Variants in RHOA observed in about 807,000 individuals in gnomAD.
RHOA encodes the protein transforming protein RhoA.
Under a neutral mutation model 17.5 loss-of-function variants are expected in RHOA, and 3 were observed. That is an observed-to-expected ratio of 0.17 (90% confidence interval 0.08 to 0.44). RHOA has a LOEUF of 0.44. RHOA is among the 20% of genes least tolerant of loss of function. The pLI is 0.99. For synonymous variants in RHOA, 98 were observed against 88.4 expected (o/e 1.11, Z -0.61); for missense variants, 56 against 242.3 (o/e 0.23, Z 5.10).
rs2047942046 is a variant in RHOA, at chr3:49,360,323, G to A, written c.468C>T (p.Tyr156=). ...CTTTGGTCTTTGCTGAACACTCCATGTACCCAAAAGCGCCAATCCTGTTTG... is the reference window on the plus strand; with the variant it reads ...CTTTGGTCTTTGCTGAACACTCCATATACCCAAAAGCGCCAATCCTGTTTG... ...DMANRIGAFG[Y]MECSAKTKDG... Residue 156 remains tyrosine, a synonymous_variant, in exon 5 of 5, where the codon TAC becomes TAT. Coordinates refer to ENST00000418115, the MANE Select transcript of RHOA (RefSeq NM_001664.4). 1 of 1,613,840 alleles carries A rather than the reference G, an allele frequency of 6.2e-7. No individual in the cohort carries two copies. Among genetic ancestry groups the A allele is most frequent in the Non-Finnish European group, 8.5e-7 (1 of 1,179,986 alleles).
chr3:49,360,531 G>C, intron 4 of RHOA, 149 bp from the exon 5 acceptor site: 1 of 746,952 alleles, frequency 1.3e-6, no homozygotes, highest in Admixed American at 3.1e-5. Context: ...GCAATGGCAT[G>C]ATCTCAGCTG....
chr3:49,390,326 G>A (rs527343218), intron 1 of RHOA, among the ~76,000 whole-genome samples: 1 of 151,464 alleles, frequency 6.6e-6, no homozygotes, highest in African/African-American at 2.4e-5. Context: ...GTAGAGACGG[G>A]GAACATCTTG....
intron 1 of RHOA, among the ~76,000 whole-genome samples, chr3:49,390,362 C>T (rs920470734): frequency 6.6e-6 from 1 of 151,932 alleles, no homozygotes; most frequent in African/African-American, 2.4e-5. Context: ...AACTCCTGAC[C>T]TTGTGATCCA....
intron 1 of RHOA, among the ~76,000 whole-genome samples, chr3:49,383,230 G>A (rs1015914823): frequency 1.3e-5 from 2 of 151,750 alleles, no homozygotes; most frequent in African/African-American, 4.8e-5. Flanking sequence ...TCAGGAGATC[G>A]AGACCATCCC....
chr3:49,397,885 A>G (rs1267893062), intron 1 of RHOA, among the ~76,000 whole-genome samples: 1 of 152,200 alleles, frequency 6.6e-6, no homozygotes, highest in Non-Finnish European at 1.5e-5. Context: ...ATTTGAGCCA[A>G]AGGACATGGT....
chr3:49,372,273 G>A (rs1049948250), intron 2 of RHOA, among the ~76,000 whole-genome samples: 1 of 152,122 alleles, frequency 6.6e-6, no homozygotes, highest in Non-Finnish European at 1.5e-5. Context: ...GCTTGGCTGA[G>A]GCTGAATTAA....
Position 49,362,633 on chromosome 3 carries a change from G to A in RHOA, c.278-7C>T, listed in dbSNP as rs2047990383. On this transcript the variant is annotated splice_region_variant and splice_polypyrimidine_tract_variant and intron_variant, in intron 3 of 4. Transcript: ENST00000418115. ...CACTTTTCTGGGATGTTTTCTGAAA[G>A]AAAAATGTAGAGAATTTGGGGATAC... 1.9e-6 allele frequency: 3 copies of A among 1,605,358 alleles called. No individual in the cohort carries two copies. The highest frequency in any genetic ancestry group is 8.5e-7 in the Non-Finnish European group (1 of 1,175,886).
chr3:49,404,459 A>ACACACACACACACACACAC (rs1466095718), intron 1 of RHOA, among the ~76,000 whole-genome samples: 1 of 3,034 alleles, frequency 3.3e-4, no homozygotes, highest in Non-Finnish European at 1.6e-3. Flanking sequence ...CACACACACA[A>ACACACACACACACACACAC]AATTAGCCGG....
At chr3:49,372,509 C>T (rs1216077872) in intron 2 of RHOA, among the ~76,000 whole-genome samples, 4 of 151,858 alleles carry the variant, frequency 2.6e-5, no homozygotes, top group African/African-American at 9.7e-5. Flanking sequence ...GGGAGGCAGG[C>T]AGATCACGAG....
At chr3:49,404,428 AGT>A (rs2048778790) in intron 1 of RHOA, among the ~76,000 whole-genome samples, 1 of 142,960 alleles carries the variant, frequency 7.0e-6, no homozygotes. Context: ...CCCCGTCTCT[AGT>A]AAAACACACA....
chr3:49,408,289 T>C (rs2048873478), intron 1 of RHOA, among the ~76,000 whole-genome samples: 1 of 145,480 alleles, frequency 6.9e-6, no homozygotes, highest in African/African-American at 2.5e-5. Flanking sequence ...TATACACAAG[T>C]ATATATACAT....
At chr3:49,392,870 C>G (rs1041139486) in intron 1 of RHOA, among the ~76,000 whole-genome samples, 1 of 152,140 alleles carries the variant, frequency 6.6e-6, no homozygotes, top group Non-Finnish European at 1.5e-5. Context: ...AGAAAATGGT[C>G]ACCACAAACA....
intron 1 of RHOA, among the ~76,000 whole-genome samples, chr3:49,399,834 G>A (rs905653676): frequency 1.3e-5 from 2 of 152,050 alleles, no homozygotes; most frequent in East Asian, 1.9e-4. Flanking sequence ...TAAATGTAGG[G>A]ACTTTAAAAG....
intron 1 of RHOA, among the ~76,000 whole-genome samples, chr3:49,408,339 C>T (rs1348017205): frequency 6.6e-6 from 1 of 151,232 alleles, no homozygotes; most frequent in African/African-American, 2.4e-5. Flanking sequence ...CATACTCATC[C>T]TCTTCAAAAA....
chr3:49,402,282 G>A (rs767336749), intron 1 of RHOA, among the ~76,000 whole-genome samples: 4 of 152,046 alleles, frequency 2.6e-5, no homozygotes, highest in African/African-American at 4.8e-5. Context: ...TAGTAAAACT[G>A]ACAAAGAAAA....
intron 1 of RHOA, among the ~76,000 whole-genome samples, chr3:49,401,512 C>G (rs781466957): frequency 2.0e-4 from 29 of 146,546 alleles, no homozygotes; most frequent in African/African-American, 7.1e-4. Flanking sequence ...GAGTGGAGAT[C>G]GGGCCACTGC....
Position 49,362,434 on chromosome 3 carries a change from A to G in RHOA, c.408+62T>C, listed in dbSNP as rs1489410641. 13 of 1,502,098 alleles carry G rather than the reference A, an allele frequency of 8.7e-6. No individual in the cohort carries two copies. The East Asian group carries it at 1.2e-4, about 14-fold the overall frequency. The allele number at this position is 1,502,098 out of a possible 1,614,324, so 93.0% of individuals were successfully genotyped here. On this transcript the variant is annotated intron_variant, in intron 4 of 4. Transcript: ENST00000418115. ...GTGAAGGTTCCTGCTGGGCTCCCCA[A>G]ACCTCCAAACTTGGGGCCCTAGTTC...
chr3:49,359,344 T>C lies in RHOA; in HGVS notation c.*865A>G, dbSNP rs952211936. 1 of 189,394 alleles carries C rather than the reference T, an allele frequency of 5.3e-6. No individual in the cohort carries two copies. The highest frequency in any genetic ancestry group is 1.1e-5 in the Non-Finnish European group (1 of 89,746). The allele number at this position is 189,394 out of a possible 1,614,324, so 11.7% of individuals were successfully genotyped here. On this transcript the variant is annotated 3_prime_UTR_variant, in exon 5 of 5. Transcript: ENST00000418115. ...GCTTAAGTCCAGGTGAGACAGGTTA[T>C]GCCATCTTCCAAAGTGTCTAATTGC...
chr3:49,376,963 T>C (rs1335561362), intron 1 of RHOA, among the ~76,000 whole-genome samples: 1 of 151,918 alleles, frequency 6.6e-6, no homozygotes, highest in East Asian at 1.9e-4. Context: ...ACCCCATCTC[T>C]ACCAAAAATA....
Sources: gnomAD v4.1 joint callset for allele counts (sites outside exome capture counted in the v4.1 genomes callset) on GRCh38, gnomAD v4.1.1 for gene constraint, MANE v1.5 for transcripts, NCBI Gene and HGNC (gene_info 2026-07-23, HGNC 2026-07-21) for gene names.